The following CDS2 variants were observed in gnomAD, a reference collection of about 807,000 sequenced individuals.
The protein encoded by CDS2 is phosphatidate cytidylyltransferase 2.
In CDS2, 47 loss-of-function variants were observed where a neutral mutation model predicts 59.0. The observed-to-expected ratio is 0.80, with a 90% CI of 0.63 to 1.02. The LOEUF (loss-of-function observed/expected upper bound fraction) is 1.02, where lower values mean the gene tolerates loss of function less well. CDS2 is among the 50% of genes least tolerant of loss of function. The pLI is 0.00. For synonymous variants in CDS2, 207 were observed against 206.4 expected (o/e 1.00, Z -0.02); for missense variants, 356 against 558.9 (o/e 0.64, Z 3.66).
intron 1 of CDS2, among the ~76,000 whole-genome samples, chr20:5,158,597 A>G (rs2090852285): frequency 6.6e-6 from 1 of 152,352 alleles, no homozygotes; most frequent in Admixed American, 6.5e-5. Context: ...TTTTCAGGAT[A>G]TAAGACTATA....
In CDS2 at chr20:5,178,848, T is replaced by C; in HGVS notation, c.421T>C (p.Tyr141His). Residue 141 changes from tyrosine (Y) to histidine (H), a missense_variant, in exon 5 of 13, where the codon TAT (tyrosine) becomes CAT (histidine). By Grantham distance (83) the Tyr-to-His change is moderately conservative. Coordinates refer to ENST00000460006, the MANE Select transcript of CDS2 (RefSeq NM_003818.4). ...YFLLCVNYFF[Y>H]GETVTDYFFT... The stretch of plus-strand genomic sequence containing the variant: ...TCTCCTGTGTGTAAACTATTTCTTC[T>C]ATGGTGAGACAGTGACGGATTACTT... The C allele has an allele frequency of 6.2e-7, 1 of 1,614,192 alleles. No individual in the cohort carries two copies. Among genetic ancestry groups the C allele is most frequent in the Non-Finnish European group, 8.5e-7 (1 of 1,180,018 alleles).
chr20:5,155,820 CAGG>C (rs2090829477), intron 1 of CDS2, among the ~76,000 whole-genome samples: 3 of 152,150 alleles, frequency 2.0e-5, no homozygotes, highest in South Asian at 4.2e-4. Context: ...ACAGCAATCA[CAGG>C]AGGTTTTTCT....
intron 1 of CDS2, among the ~76,000 whole-genome samples, chr20:5,158,335 A>G (rs1025632921): frequency 6.6e-6 from 1 of 151,932 alleles, no homozygotes; most frequent in African/African-American, 2.4e-5. Flanking sequence ...ACGCCCAGCT[A>G]ATTTTTTTGT....
Position 5,184,844 on chromosome 20 carries a change from T to A in CDS2, c.672-14T>A, listed in dbSNP as rs1442026807. 6.3e-7 allele frequency: 1 copy of A among 1,597,936 alleles called. No homozygotes were observed. The highest frequency in any genetic ancestry group is 8.6e-7 in the Non-Finnish European group (1 of 1,165,274). On this transcript the variant is annotated splice_polypyrimidine_tract_variant and intron_variant, in intron 7 of 12. Coordinates refer to ENST00000460006, the MANE Select transcript of CDS2 (RefSeq NM_003818.4). The surrounding 1 kb of genome is among the most constrained non-coding windows in gnomAD (Gnocchi z 4.3). ...ACCTTGCTTGAGTTGATCCTTACTTTGGTTCATTTCTAGGTTCATTGTCCC... is the reference window on the plus strand; with the variant it reads ...ACCTTGCTTGAGTTGATCCTTACTTAGGTTCATTTCTAGGTTCATTGTCCC...
At chr20:5,176,780 T>A (rs1244037300) in intron 4 of CDS2, 35 bp downstream of exon 4, 3 of 1,439,478 alleles carry the variant, frequency 2.1e-6, no homozygotes, top group Non-Finnish European at 2.9e-6. Context: ...CTTTTAGAAT[T>A]TGGATGATGT....
chr20:5,189,327 G>A (rs1600519845), intron 11 of CDS2, 141 bp downstream of exon 11: 1 of 878,814 alleles, frequency 1.1e-6, no homozygotes, highest in Admixed American at 2.3e-5. Context: ...ACTGAATTTA[G>A]GTGAGTTAAT....
At chr20:5,170,677 C>G (rs2090949786) in intron 1 of CDS2, among the ~76,000 whole-genome samples, 1 of 152,238 alleles carries the variant, frequency 6.6e-6, no homozygotes, top group Non-Finnish European at 1.5e-5. Context: ...GAGGATGCTT[C>G]CTCAGTAGGC....
chr20:5,173,702 A>G, intron 2 of CDS2, 43 bp downstream of exon 2: 1 of 1,609,332 alleles, frequency 6.2e-7, no homozygotes, highest in Non-Finnish European at 8.5e-7. Flanking sequence ...GGGGCTTTGC[A>G]CCATGTCCAA....
At chr20:5,178,698 C>CG in intron 4 of CDS2, 119 bp from the exon 5 acceptor site, 1 of 961,250 alleles carries the variant, frequency 1.0e-6, no homozygotes, top group Non-Finnish European at 1.6e-6. Context: ...TGAGCTGTCC[C>CG]GGGGGACTCA....
At chr20:5,174,865 G>A (rs560420120) in intron 2 of CDS2, among the ~76,000 whole-genome samples, 12 of 152,300 alleles carry the variant, frequency 7.9e-5, no homozygotes, top group African/African-American at 2.9e-4. Context: ...ATAGTCAGCT[G>A]TAGAAACCAT....
intron 1 of CDS2, among the ~76,000 whole-genome samples, chr20:5,155,624 G>A (rs1484941417): frequency 6.6e-6 from 1 of 152,158 alleles, no homozygotes; most frequent in Admixed American, 6.5e-5. Flanking sequence ...CTCTCTCGTA[G>A]GGATATACAT....
At chr20:5,160,533 T>C (rs886836647) in intron 1 of CDS2, among the ~76,000 whole-genome samples, 9 of 152,154 alleles carry the variant, frequency 5.9e-5, no homozygotes, top group Non-Finnish European at 1.2e-4. Context: ...AATTAAACCT[T>C]TTCTTACTGT....
chr20:5,181,936 T>G (rs1228250377), intron 5 of CDS2, among the ~76,000 whole-genome samples: 3 of 152,208 alleles, frequency 2.0e-5, no homozygotes, highest in African/African-American at 7.2e-5. Flanking sequence ...GTGTATGTGG[T>G]GTGTTGTTGA....
chr20:5,148,282 T>C (rs1039029372), intron 1 of CDS2, among the ~76,000 whole-genome samples: 1 of 152,174 alleles, frequency 6.6e-6, no homozygotes, highest in Admixed American at 6.5e-5. Flanking sequence ...CCAGGTGTCC[T>C]ACTGTCTAAA....
intron 1 of CDS2, among the ~76,000 whole-genome samples, chr20:5,161,506 A>G (rs778395520): frequency 2.1e-4 from 32 of 152,246 alleles, no homozygotes; most frequent in Non-Finnish European, 3.1e-4. Flanking sequence ...CAATCAATTG[A>G]TAACTGACAC....
Position 5,189,863 on chromosome 20 carries a change from A to T in CDS2, c.1205+25A>T. 2 of 1,562,672 alleles carry T rather than the reference A, an allele frequency of 1.3e-6. No homozygotes were observed. The highest frequency in any genetic ancestry group is 1.8e-6 in the Non-Finnish European group (2 of 1,138,220). ...GGTATAGTACCTTTCCATCTGAACCAAGTTGGTGGATTTTTAAGTACGGTG... is the reference window on the plus strand; with the variant it reads ...GGTATAGTACCTTTCCATCTGAACCTAGTTGGTGGATTTTTAAGTACGGTG... On this transcript the variant is annotated intron_variant, in intron 12 of 12. Coordinates refer to ENST00000460006, the MANE Select transcript of CDS2 (RefSeq NM_003818.4).
intron 4 of CDS2, among the ~76,000 whole-genome samples, chr20:5,178,534 CAGTT>C (rs1333309786): frequency 2.6e-5 from 4 of 152,086 alleles, no homozygotes; most frequent in Non-Finnish European, 5.9e-5. Flanking sequence ...AAGGATCCCT[CAGTT>C]AGGTATGGGA....
intron 1 of CDS2, among the ~76,000 whole-genome samples, chr20:5,141,908 A>AG (rs1174496214): frequency 1.3e-5 from 2 of 152,154 alleles, no homozygotes; most frequent in Non-Finnish European, 2.9e-5. Flanking sequence ...GTGAGAACAG[A>AG]GGGAAAAAAA....
At chr20:5,141,073 C>G (rs1208954234) in intron 1 of CDS2, among the ~76,000 whole-genome samples, 1 of 152,228 alleles carries the variant, frequency 6.6e-6, no homozygotes, top group African/African-American at 2.4e-5. Flanking sequence ...CCATCTCCTC[C>G]TCCCCTTTCT....
Sources: allele counts gnomAD v4.1 joint callset (sites outside exome capture counted in the v4.1 genomes callset), GRCh38; gene constraint gnomAD v4.1.1; non-coding constraint Gnocchi (gnomAD v3.1); transcripts MANE v1.5; gene names NCBI Gene and HGNC (gene_info 2026-07-23, HGNC 2026-07-21).